Variants in ZFHX3 observed in about 807,000 individuals in gnomAD.
The protein encoded by ZFHX3 is zinc finger homeobox protein 3.
A neutral mutation model predicts 279.1 loss-of-function variants in ZFHX3; 42 were observed. The ratio of observed to expected loss-of-function variants is 0.15; its 90% CI spans 0.12 to 0.19. ZFHX3 has a LOEUF of 0.19. Among genes scored for constraint, ZFHX3 ranks in the 10% least tolerant of loss-of-function variants. The probability of loss-of-function intolerance (pLI) is 1.00; values close to 1 mark genes in which losing one functional copy is unlikely to be tolerated. For missense variants in ZFHX3, 4,981 were observed against 4,754.0 expected (o/e 1.05, Z -1.40); for synonymous variants, 2,293 against 1,957.8 (o/e 1.17, Z -4.52).
chr16:73,022,241 A>C (rs1308284973), intron 1 of ZFHX3, among the ~76,000 whole-genome samples: 1 of 152,062 alleles, frequency 6.6e-6, no homozygotes, highest in African/African-American at 2.4e-5. Flanking sequence ...CTCTCAAACA[A>C]AAGGTCAAGG....
chr16:73,213,132 A>G (rs1417650642), intron 5 of ZFHX3, among the ~76,000 whole-genome samples: 1 of 152,148 alleles, frequency 6.6e-6, no homozygotes, highest in Non-Finnish European at 1.5e-5. Context: ...AAAAGGTATG[A>G]TGAGAGAGGG....
chr16:73,255,600 G>C (rs1328981235), intron 5 of ZFHX3, among the ~76,000 whole-genome samples: 1 of 152,170 alleles, frequency 6.6e-6, no homozygotes, highest in Non-Finnish European at 1.5e-5. Flanking sequence ...TGAAGCCCTG[G>C]AGAAGAGTAA....
rs1359250217 is a variant in ZFHX3, at chr16:73,822,796, T to G, written c.-1608+68855A>C. Among the ~76,000 whole-genome samples, 12 of 152,340 alleles carry G rather than the reference T, an allele frequency of 7.9e-5. No homozygotes were observed. In the East Asian group the frequency reaches 2.3e-3, roughly 29 times the overall value. ...AAGCCCCAGCTGGAAGTCATGTCAC[T>G]TTTAGATACTGAGAGCAACAAGTCA... On this transcript the variant is annotated intron_variant, in intron 1 of 17. Transcript: ENST00000641206.
intron 2 of ZFHX3, among the ~76,000 whole-genome samples, chr16:73,606,470 G>C (rs1379624270): frequency 7.4e-6 from 1 of 134,798 alleles, no homozygotes; most frequent in East Asian, 2.2e-4. Flanking sequence ...TGGGGGACAA[G>C]AGTGAGACTT....
intron 4 of ZFHX3, among the ~76,000 whole-genome samples, chr16:73,276,759 C>T (rs1195957906): frequency 6.6e-6 from 1 of 152,128 alleles, no homozygotes; most frequent in African/African-American, 2.4e-5. Context: ...CATATTCTCA[C>T]AAGGGAACCA....
intron 1 of ZFHX3, among the ~76,000 whole-genome samples, chr16:73,686,172 T>C (rs1177946902): frequency 6.6e-6 from 1 of 152,186 alleles, no homozygotes; most frequent in Non-Finnish European, 1.5e-5. Flanking sequence ...CTCGGCTCAC[T>C]ACAACCTCCA....
At chr16:73,337,132 C>T (rs559548166) in intron 3 of ZFHX3, among the ~76,000 whole-genome samples, 2 of 152,170 alleles carry the variant, frequency 1.3e-5, no homozygotes, top group African/African-American at 2.4e-5. Context: ...TTTCCATTTA[C>T]CTGTTAGTCC....
chr16:73,880,147 C>T (rs984273809), intron 1 of ZFHX3, among the ~76,000 whole-genome samples: 4 of 151,964 alleles, frequency 2.6e-5, no homozygotes, highest in South Asian at 2.1e-4. Context: ...GAAAGTTCTC[C>T]GGAGGAAACA....
chr16:73,889,366 C>G (rs2030454310), intron 1 of ZFHX3, among the ~76,000 whole-genome samples: 1 of 152,096 alleles, frequency 6.6e-6, no homozygotes, highest in African/African-American at 2.4e-5. Flanking sequence ...TAATAGTATC[C>G]GTGCACAGTG....
At chr16:73,431,215 T>G (rs12596200) in intron 3 of ZFHX3, among the ~76,000 whole-genome samples, 5,490 of 147,284 alleles carry the variant, frequency 0.037, 412 homozygotes, top group East Asian at 0.33. Flanking sequence ...AGCACTCTAA[T>G]TTTTATGGGA....
At chr16:72,974,613 C>G (rs1294669697) in intron 1 of ZFHX3, among the ~76,000 whole-genome samples, 1 of 145,460 alleles carries the variant, frequency 6.9e-6, no homozygotes, top group Admixed American at 6.7e-5. Context: ...AGCCTCTCAC[C>G]AACACGGGCA....
intron 3 of ZFHX3, among the ~76,000 whole-genome samples, chr16:73,352,470 C>CTTTTTTT (rs2016262860): frequency 4.3e-4 from 53 of 124,428 alleles, no homozygotes; most frequent in African/African-American, 2.0e-3. Flanking sequence ...CTCTCTCTCT[C>CTTTTTTT]TCTCTTTTTT....
chr16:73,224,682 T>C (rs2012536797), intron 5 of ZFHX3, among the ~76,000 whole-genome samples: 1 of 152,230 alleles, frequency 6.6e-6, no homozygotes, highest in Non-Finnish European at 1.5e-5. Context: ...AATTGTTTGC[T>C]AAAAAGATGT....
At chr16:73,727,975 A>G (rs2053533650) in intron 1 of ZFHX3, among the ~76,000 whole-genome samples, 1 of 150,424 alleles carries the variant, frequency 6.6e-6, no homozygotes, top group Non-Finnish European at 1.5e-5. Context: ...AATTAAAATT[A>G]GAAATTCAGC....
intron 3 of ZFHX3, among the ~76,000 whole-genome samples, chr16:73,426,076 A>T (rs1308812857): frequency 6.6e-6 from 1 of 152,142 alleles, no homozygotes; most frequent in South Asian, 2.1e-4. Context: ...GCCACACCTC[A>T]GTGGGTACTA....
At chr16:73,706,104 A>G (rs2053300416) in intron 1 of ZFHX3, among the ~76,000 whole-genome samples, 1 of 152,278 alleles carries the variant, frequency 6.6e-6, no homozygotes, top group East Asian at 1.9e-4. Context: ...CAGGAGTTTG[A>G]GACCAGCCTG....
intron 4 of ZFHX3, among the ~76,000 whole-genome samples, chr16:73,266,791 C>T (rs149733554): frequency 6.6e-6 from 1 of 152,326 alleles, no homozygotes; most frequent in African/African-American, 2.4e-5. Context: ...CTTCCTTGCC[C>T]ATGCTCTCTT....
chr16:73,759,071 G>A (rs2053838387), intron 1 of ZFHX3, among the ~76,000 whole-genome samples: 2 of 152,188 alleles, frequency 1.3e-5, no homozygotes, highest in South Asian at 2.1e-4. Flanking sequence ...TGTTAAGCTG[G>A]TATATTTGTT....
chr16:73,046,499 C>G (rs893012097), intron 1 of ZFHX3, among the ~76,000 whole-genome samples: 2 of 152,064 alleles, frequency 1.3e-5, no homozygotes, highest in African/African-American at 4.8e-5. Flanking sequence ...TTCAGGGTTT[C>G]CCTTGAAACC....
Sources: allele counts gnomAD v4.1 joint callset (sites outside exome capture counted in the v4.1 genomes callset), GRCh38; gene constraint gnomAD v4.1.1; transcripts MANE v1.5; gene names NCBI Gene and HGNC (gene_info 2026-07-23, HGNC 2026-07-21).